ADAM32: variants seen among roughly 807,000 people sequenced by gnomAD.
The protein encoded by ADAM32 is disintegrin and metalloproteinase domain-containing protein 32.
Under a neutral mutation model 114.9 loss-of-function variants are expected in ADAM32, and 89 were observed. That is an observed-to-expected ratio of 0.77 (90% CI 0.65 to 0.92). ADAM32 has a LOEUF of 0.92. Among genes scored for constraint, ADAM32 ranks in the 40% least tolerant of loss-of-function variants. The pLI is 0.00. For synonymous variants in ADAM32, 285 were observed against 307.5 expected, an observed-to-expected ratio of 0.93 and a Z score of 0.77; for missense variants, 870 against 932.8, an observed-to-expected ratio of 0.93 and a Z score of 0.88.
intron 12 of ADAM32, among the ~76,000 whole-genome samples, chr8:39,217,078 T>C (rs1266026484): frequency 6.9e-6 from 1 of 145,502 alleles, no homozygotes; most frequent in African/African-American, 2.5e-5. Context: ...TCTGGGAAAG[T>C]CTTTATTTCT....
chr8:39,191,253 C>T (rs1806586193), intron 11 of ADAM32, among the ~76,000 whole-genome samples: 1 of 152,096 alleles, frequency 6.6e-6, no homozygotes, highest in South Asian at 2.1e-4. Context: ...ATTTATATTC[C>T]TTTGGGTATA....
intron 7 of ADAM32, among the ~76,000 whole-genome samples, chr8:39,164,227 A>G (rs1804692140): frequency 6.6e-6 from 1 of 152,234 alleles, no homozygotes. Context: ...AAAGTTATCA[A>G]GCAGTCTGTA....
At position 39,115,887 on chromosome 8, in the gene ADAM32, A is replaced by C. The variant is rs543301062; in HGVS notation, c.59-2199A>C. 3.9e-5 allele frequency among the ~76,000 whole-genome samples: 6 copies of C among 152,352 alleles called. No individual in the cohort carries two copies. In the East Asian group the frequency reaches 1.2e-3, roughly 29 times the overall value. On this transcript the variant is annotated intron_variant, in intron 1 of 24. Transcript: ENST00000379907. ...ATTTATAGTTTTAAGTTGTACATTT[A>C]GGTCTTTAATCCATCTTGCATTGGT... is the stretch of plus-strand genomic sequence containing the variant.
chr8:39,231,442 A>G (rs1809727418), intron 14 of ADAM32, among the ~76,000 whole-genome samples: 1 of 152,210 alleles, frequency 6.6e-6, no homozygotes, highest in Non-Finnish European at 1.5e-5. Flanking sequence ...GAAAATATGC[A>G]GAGAAAACCT....
intron 19 of ADAM32, among the ~76,000 whole-genome samples, chr8:39,265,758 G>T (rs1222720847): frequency 6.6e-6 from 1 of 151,886 alleles, no homozygotes; most frequent in East Asian, 1.9e-4. Context: ...TAATAGTGTT[G>T]GGGGGCTACG....
At chr8:39,187,464 G>T (rs1235938092) in intron 11 of ADAM32, among the ~76,000 whole-genome samples, 1 of 152,074 alleles carries the variant, frequency 6.6e-6, no homozygotes, top group Non-Finnish European at 1.5e-5. Context: ...GTAGAGACCG[G>T]GTTTCACCAT....
In ADAM32 at chr8:39,226,473, AC is replaced by A. The variant is rs142221130; in HGVS notation, c.1525+3236del. ...AGTCAGGTTTAATTTGAACAAGACT[AC>A]ACCAAGACATATTATAATAAAACCG... On this transcript the variant is annotated intron_variant, in intron 14 of 24. Transcript: ENST00000379907. Among the ~76,000 whole-genome samples, 77 of 152,260 alleles carry A rather than the reference AC, an allele frequency of 5.1e-4. No individual in the cohort carries two copies. In the East Asian group the frequency reaches 0.015, roughly 29 times the overall value.
intron 20 of ADAM32, among the ~76,000 whole-genome samples, chr8:39,273,764 C>T (rs1303645294): frequency 1.3e-5 from 2 of 151,582 alleles, no homozygotes; most frequent in African/African-American, 2.4e-5. Flanking sequence ...TCTTTCCTTG[C>T]TGTGAGCTTC....
chr8:39,130,843 G>C (rs1316454405), intron 2 of ADAM32: 1 of 456,344 alleles, frequency 2.2e-6, no homozygotes, highest in Non-Finnish European at 4.4e-6. Flanking sequence ...CACTTGAAAA[G>C]AATATGAATT....
chr8:39,146,839 A>C (rs879484386), intron 3 of ADAM32, among the ~76,000 whole-genome samples: 2 of 152,242 alleles, frequency 1.3e-5, no homozygotes, highest in Admixed American at 1.3e-4. Flanking sequence ...ATGTCAAAAG[A>C]AAATACTACC....
chr8:39,263,195 A>C (rs1372705456), intron 19 of ADAM32, among the ~76,000 whole-genome samples: 1 of 152,174 alleles, frequency 6.6e-6, no homozygotes, highest in Non-Finnish European at 1.5e-5. Flanking sequence ...CTTTATGTTC[A>C]ATATTAATTA....
At position 39,246,761 on chromosome 8, in the gene ADAM32, TG is replaced by T. The variant is rs1810954394; in HGVS notation, c.1902+598del. Among the ~76,000 whole-genome samples, 7 of 152,300 alleles carry T rather than the reference TG, an allele frequency of 4.6e-5. No individual in the cohort carries two copies. The South Asian group carries it at 1.4e-3, about 32-fold the overall frequency. On this transcript the variant is annotated intron_variant, in intron 17 of 24. Transcript: ENST00000379907. ...TTCACTGTTAGTGTCTCACATTCTA[TG>T]GGTTTTGACAAATGTGTAATGATAT...
Position 39,160,929 on chromosome 8 carries a change from T to G in ADAM32, c.558T>G (p.Leu186=). 1 of 1,601,462 alleles carries G rather than the reference T, an allele frequency of 6.2e-7. No individual in the cohort carries two copies. The highest frequency in any genetic ancestry group is 1.1e-5 in the South Asian group (1 of 87,496). Residue 186 remains leucine (L), a synonymous_variant, in exon 7 of 25, where the codon CTT becomes CTG. Transcript: ENST00000379907. ...CAGCTGTTCCAGATTTATTTCCTCT[T>G]TATCTAGAAATGCATATTGTGGTGG... The part of the protein sequence containing the change: ...SEPAVPDLFP[L]YLEMHIVVDK...
rs774099109 is a variant in ADAM32 at position 39,165,165 on chromosome 8, C to A, written c.802C>A (p.Leu268Ile). 87 of 1,588,168 alleles carry A rather than the reference C, an allele frequency of 5.5e-5. No individual in the cohort carries two copies. Among genetic ancestry groups the A allele is most frequent in the Admixed American group, 7.1e-5 (4 of 56,530 alleles). ...AGAATGGAAACAATCTTATCTTAAC[C>A]TAAGGCCTCATGATATTGCATATCT... Reference protein sequence around the residue: ...FLEWKQSYLNLRPHDIAYLLI... With the variant: ...FLEWKQSYLNIRPHDIAYLLI... The change falls in exon 9 of 25, where the codon CTA (leucine) becomes ATA (isoleucine). Residue 268 changes from leucine to isoleucine, a missense_variant. Leu to Ile is a conservative substitution (Grantham distance 5). Transcript: ENST00000379907.
At chr8:39,141,606 C>G (rs1359923058) in intron 3 of ADAM32, among the ~76,000 whole-genome samples, 1 of 152,090 alleles carries the variant, frequency 6.6e-6, no homozygotes, top group Non-Finnish European at 1.5e-5. Flanking sequence ...TGTTTTACTA[C>G]CAATGATGTG....
chr8:39,266,636 A>G (rs1386450428), intron 19 of ADAM32, among the ~76,000 whole-genome samples: 4 of 152,116 alleles, frequency 2.6e-5, no homozygotes, highest in Admixed American at 2.6e-4. Flanking sequence ...CAGAATTAGT[A>G]TTATATGTCT....
At chr8:39,124,357 G>T (rs1333822256) in intron 2 of ADAM32, among the ~76,000 whole-genome samples, 1 of 150,914 alleles carries the variant, frequency 6.6e-6, no homozygotes, top group Non-Finnish European at 1.5e-5. Context: ...ACATGATCTT[G>T]TTCCTTTTTA....
chr8:39,232,092 T>G lies in ADAM32; in HGVS notation c.1591T>G (p.Cys531Gly), dbSNP rs1809773971. 1.2e-6 allele frequency: 2 copies of G among 1,612,118 alleles called. No homozygotes were observed. Among genetic ancestry groups the G allele is most frequent in the Non-Finnish European group, 1.7e-6 (2 of 1,178,632 alleles). The change falls in exon 15 of 25, where the codon TGT (cysteine) becomes GGT (glycine). Residue 531 changes from cysteine (C) to glycine (G), a missense_variant. Physicochemically the swap from Cys to Gly is radical, Grantham distance 159. Transcript: ENST00000379907. Reference sequence around the variant, plus strand: ...ATCTCAATCAGACAGATTTGGGAACTGTGGTAGGGATAGAAATAACAAATA... The same window carrying G: ...ATCTCAATCAGACAGATTTGGGAACGGTGGTAGGGATAGAAATAACAAATA... ...IQSQSDRFGNCGRDRNNKYVF... is the reference protein window; with the variant it reads ...IQSQSDRFGNGGRDRNNKYVF...
At chr8:39,281,275 C>A in intron 23 of ADAM32, 101 bp downstream of exon 23, 1 of 562,858 alleles carries the variant, frequency 1.8e-6, no homozygotes, top group Non-Finnish European at 2.7e-6. Flanking sequence ...TTTTGAGCAG[C>A]CACAATCGAT....
Sources: allele counts gnomAD v4.1 joint callset (sites outside exome capture counted in the v4.1 genomes callset), GRCh38; gene constraint gnomAD v4.1.1; transcripts MANE v1.5; gene names NCBI Gene and HGNC (gene_info 2026-07-23, HGNC 2026-07-21).